Variants in CNTN5 observed in about 807,000 individuals in gnomAD.
CNTN5 encodes contactin-5.
In CNTN5, 77 loss-of-function variants were observed where a neutral mutation model predicts 129.1. The ratio of observed to expected loss-of-function variants is 0.60; its 90% CI spans 0.50 to 0.72. The LOEUF (loss-of-function observed/expected upper bound fraction) is 0.72. Ranked by LOEUF, CNTN5 falls within the 30% of genes least tolerant of loss-of-function variation. CNTN5 has a pLI of 0.00. For missense variants in CNTN5, 1,478 were observed against 1,328.8 expected, an observed-to-expected ratio of 1.11 and a Z score of -1.75; for synonymous variants, 509 against 465.6, an observed-to-expected ratio of 1.09 and a Z score of -1.20.
chr11:99,201,130 T>C (rs1859160811), intron 1 of CNTN5, among the ~76,000 whole-genome samples: 1 of 149,032 alleles, frequency 6.7e-6, no homozygotes, highest in South Asian at 2.2e-4. Context: ...GTTCCAGCGA[T>C]TCTCCTGCGT....
At chr11:99,300,799 G>A (rs1444758385) in intron 1 of CNTN5, among the ~76,000 whole-genome samples, 1 of 151,762 alleles carries the variant, frequency 6.6e-6, no homozygotes, top group Non-Finnish European at 1.5e-5. Context: ...AAACAAAAAG[G>A]GCAGGTAAAA....
chr11:100,245,637 C>T (rs1300667655), intron 16 of CNTN5, among the ~76,000 whole-genome samples: 1 of 152,092 alleles, frequency 6.6e-6, no homozygotes, highest in Non-Finnish European at 1.5e-5. Flanking sequence ...CATTTTCAAT[C>T]AATAAAAATA....
intron 1 of CNTN5, among the ~76,000 whole-genome samples, chr11:99,142,049 C>T (rs1859541345): frequency 1.3e-5 from 2 of 152,158 alleles, no homozygotes; most frequent in Non-Finnish European, 2.9e-5. Flanking sequence ...GTTCCGTTGA[C>T]TGGCTTTGCT....
rs1952535718 is a variant in CNTN5 at position 100,356,878 on chromosome 11, T to G, written c.*658T>G. ...ATAAGCCATTTACATTAGTGCAAGATAGAAAGCGAGTCCAGATGAATTTCA... is the reference window on the plus strand; with the variant it reads ...ATAAGCCATTTACATTAGTGCAAGAGAGAAAGCGAGTCCAGATGAATTTCA... On this transcript the variant is annotated 3_prime_UTR_variant, in exon 25 of 25. Coordinates refer to ENST00000524871, the MANE Select transcript of CNTN5 (RefSeq NM_014361.4). 1 of 151,782 alleles carries G rather than the reference T, an allele frequency of 6.6e-6. No individual in the cohort carries two copies. Among genetic ancestry groups the G allele is most frequent in the South Asian group, 2.1e-4 (1 of 4,830 alleles). 9.4% of individuals were successfully genotyped at this position (151,782 alleles called of 1,614,324 possible). A position where few individuals can be genotyped will look rare whatever the true frequency, so the allele number is the denominator to read the frequency against.
chr11:99,448,832 T>C, intron 2 of CNTN5, among the ~76,000 whole-genome samples: 1 of 150,630 alleles, frequency 6.6e-6, no homozygotes. Flanking sequence ...GGCTGGAGAG[T>C]GGTGGTGTGA....
chr11:99,217,489 A>G (rs1860190675), intron 1 of CNTN5, among the ~76,000 whole-genome samples: 1 of 152,128 alleles, frequency 6.6e-6, no homozygotes. Context: ...TGAGGATGTA[A>G]ATTGGTATAG....
Position 99,338,484 on chromosome 11 carries a change from C to T in CNTN5, c.-71+13000C>T, listed in dbSNP as rs558512236. ...GTCTCTTTTTTCTTACGGCAGAGAA[C>T]AGTTGTTCGTTTTGGGGATAACTTT... On this transcript the variant is annotated intron_variant, in intron 2 of 24. Coordinates refer to ENST00000524871, the MANE Select transcript of CNTN5 (RefSeq NM_014361.4). 8.5e-5 allele frequency among the ~76,000 whole-genome samples: 13 copies of T among 152,234 alleles called. No individual in the cohort carries two copies. In the South Asian group the frequency reaches 2.5e-3, roughly 29 times the overall value.
At chr11:99,126,025 A>G (rs906244189) in intron 1 of CNTN5, among the ~76,000 whole-genome samples, 9 of 152,274 alleles carry the variant, frequency 5.9e-5, no homozygotes, top group African/African-American at 2.2e-4. Context: ...AGGATTCTAA[A>G]TTCTTATTAT....
At chr11:99,620,035 A>AC (rs1445264338) in intron 3 of CNTN5, among the ~76,000 whole-genome samples, 2 of 151,526 alleles carry the variant, frequency 1.3e-5, no homozygotes, top group Non-Finnish European at 2.9e-5. Flanking sequence ...CAAAAAAAAA[A>AC]AACAAAAAAC....
At chr11:99,852,963 A>G (rs1162909837) in intron 6 of CNTN5, among the ~76,000 whole-genome samples, 4 of 152,224 alleles carry the variant, frequency 2.6e-5, no homozygotes, top group Non-Finnish European at 5.9e-5. Flanking sequence ...GGTTAACATG[A>G]TAAAATAGCA....
chr11:99,840,315 G>A (rs1052333357), intron 4 of CNTN5, among the ~76,000 whole-genome samples: 3 of 152,030 alleles, frequency 2.0e-5, no homozygotes, highest in African/African-American at 4.8e-5. Flanking sequence ...CTTGTTTTTG[G>A]TAAAAAATAA....
chr11:99,195,845 A>G (rs1392952297), intron 1 of CNTN5, among the ~76,000 whole-genome samples: 1 of 152,052 alleles, frequency 6.6e-6, no homozygotes, highest in African/African-American at 2.4e-5. Context: ...AAACTAATTA[A>G]GTTTTACAAT....
chr11:99,644,848 ATTTTC>A (rs2135856012), intron 3 of CNTN5, among the ~76,000 whole-genome samples: 1 of 152,180 alleles, frequency 6.6e-6, no homozygotes, highest in African/African-American at 2.4e-5. Flanking sequence ...TTTAAAAGAC[ATTTTC>A]TTTTAACAAT....
intron 18 of CNTN5, among the ~76,000 whole-genome samples, chr11:100,289,328 A>G (rs1353867645): frequency 6.6e-6 from 1 of 152,172 alleles, no homozygotes; most frequent in Non-Finnish European, 1.5e-5. Context: ...TTAGACCAAT[A>G]TCCTTGATGA....
At chr11:99,259,882 T>C (rs1433851968) in intron 1 of CNTN5, among the ~76,000 whole-genome samples, 1 of 151,882 alleles carries the variant, frequency 6.6e-6, no homozygotes, top group Non-Finnish European at 1.5e-5. Context: ...TCTAGGCTAA[T>C]AGAAAAATTT....
chr11:99,601,378 T>C (rs1166258831), intron 3 of CNTN5, among the ~76,000 whole-genome samples: 3 of 152,194 alleles, frequency 2.0e-5, no homozygotes, highest in Admixed American at 2.0e-4. Context: ...TTTTTCTTTC[T>C]ACCTGCTAGT....
chr11:99,572,657 T>C (rs1048423776), intron 3 of CNTN5, among the ~76,000 whole-genome samples: 37 of 152,184 alleles, frequency 2.4e-4, no homozygotes, highest in African/African-American at 8.9e-4. Flanking sequence ...ACTGATGATA[T>C]AATGCTCCCC....
At chr11:99,857,391 C>T (rs1474780342) in intron 6 of CNTN5, among the ~76,000 whole-genome samples, 1 of 152,036 alleles carries the variant, frequency 6.6e-6, no homozygotes, top group Non-Finnish European at 1.5e-5. Context: ...AAAAGAATTC[C>T]CTTATGACAC....
intron 9 of CNTN5, among the ~76,000 whole-genome samples, chr11:100,057,923 C>G (rs1207039072): frequency 6.6e-6 from 1 of 152,034 alleles, no homozygotes; most frequent in Non-Finnish European, 1.5e-5. Flanking sequence ...CAACTACTCT[C>G]TGACATAAGT....
Sources: allele counts gnomAD v4.1 joint callset (sites outside exome capture counted in the v4.1 genomes callset), GRCh38; gene constraint gnomAD v4.1.1; transcripts MANE v1.5; gene names NCBI Gene and HGNC (gene_info 2026-07-23, HGNC 2026-07-21).